Variants in NBAS observed in about 807,000 individuals in gnomAD.
NBAS encodes the protein NBAS subunit of NRZ tethering complex.
NBAS carries 219 observed loss-of-function variants against 302.5 expected under a neutral mutation model. The observed-to-expected ratio is 0.72, with a 90% CI of 0.65 to 0.81. The LOEUF (loss-of-function observed/expected upper bound fraction) is 0.81, where lower values mean the gene tolerates loss of function less well. NBAS is among the 30% of genes least tolerant of loss of function. NBAS has a pLI of 0.00. For missense variants in NBAS, 2,932 were observed against 2,841.6 expected, an observed-to-expected ratio of 1.03 and a Z score of -0.72; for synonymous variants, 1,118 against 1,021.6, an observed-to-expected ratio of 1.09 and a Z score of -1.80.
intron 21 of NBAS, 90 bp from the exon 22 acceptor site, chr2:15,427,884 A>T: frequency 1.1e-6 from 1 of 906,494 alleles, no homozygotes; most frequent in Non-Finnish European, 1.8e-6. Context: ...GCATCTCTAT[A>T]ACATTAATAT....
chr2:15,034,760 G>A, the NBAS span, among the ~76,000 whole-genome samples: 1 of 151,940 alleles, frequency 6.6e-6, no homozygotes, highest in Non-Finnish European at 1.5e-5. Flanking sequence ...TAGTTGAGAT[G>A]GTATTGATCA....
the NBAS span, among the ~76,000 whole-genome samples, chr2:15,021,922 C>T: frequency 6.6e-6 from 1 of 152,128 alleles, no homozygotes; most frequent in Admixed American, 6.5e-5. Context: ...GGTTCAGGTT[C>T]CCCAGCAAAT....
chr2:15,264,420 C>T lies in NBAS; in HGVS notation c.5724+11064G>A, dbSNP rs1668982821. Among the ~76,000 whole-genome samples the T allele has an allele frequency of 2.0e-5, 3 of 152,266 alleles. No individual in the cohort carries two copies. The South Asian group carries it at 6.2e-4, about 32-fold the overall frequency. On this transcript the variant is annotated intron_variant, in intron 44 of 51. Coordinates refer to ENST00000281513, the MANE Select transcript of NBAS (RefSeq NM_015909.4). Reference sequence around the variant, plus strand: ...CAGAGTCCTCTCCAGGAGCAGAATGCATTAGCATTTATGATTGTACTGCGT... The same window carrying T: ...CAGAGTCCTCTCCAGGAGCAGAATGTATTAGCATTTATGATTGTACTGCGT...
intron 38 of NBAS, among the ~76,000 whole-genome samples, chr2:15,326,554 GAAGT>G (rs1672077171): frequency 6.6e-6 from 1 of 152,014 alleles, no homozygotes; most frequent in African/African-American, 2.4e-5. Context: ...AGAAAAGCAA[GAAGT>G]AATAAAGAAT....
At chr2:15,260,401 G>A (rs1232585461) in intron 44 of NBAS, among the ~76,000 whole-genome samples, 5 of 152,152 alleles carry the variant, frequency 3.3e-5, no homozygotes, top group East Asian at 3.9e-4. Context: ...ATCGGCATTC[G>A]TGGAAAGAAA....
intron 44 of NBAS, among the ~76,000 whole-genome samples, chr2:15,269,168 G>A (rs1008722266): frequency 2.0e-5 from 3 of 152,140 alleles, no homozygotes; most frequent in Admixed American, 6.5e-5. Context: ...TAACTGAGAG[G>A]AACACGGGGC....
intron 5 of NBAS, among the ~76,000 whole-genome samples, chr2:15,552,769 T>C (rs1427062610): frequency 6.6e-6 from 1 of 151,498 alleles, no homozygotes; most frequent in Non-Finnish European, 1.5e-5. Flanking sequence ...TACAGTTTTG[T>C]ACCAACAGAG....
At chr2:15,452,151 A>G (rs1366100309) in intron 21 of NBAS, among the ~76,000 whole-genome samples, 1 of 152,216 alleles carries the variant, frequency 6.6e-6, no homozygotes. Context: ...ATAGAGTTTC[A>G]GTTTTACAAG....
chr2:14,856,436 T>C, the NBAS span, among the ~76,000 whole-genome samples: 1 of 152,110 alleles, frequency 6.6e-6, no homozygotes, highest in African/African-American at 2.4e-5. Flanking sequence ...AACAAAACAC[T>C]GTACCAAATG....
intron 3 of NBAS, among the ~76,000 whole-genome samples, chr2:15,556,203 C>T (rs750087598): frequency 1.3e-5 from 2 of 152,152 alleles, no homozygotes; most frequent in Non-Finnish European, 2.9e-5. Flanking sequence ...AACTTTACGA[C>T]AAGATATCCT....
intron 21 of NBAS, among the ~76,000 whole-genome samples, chr2:15,455,878 C>T (rs768652797): frequency 2.0e-5 from 3 of 151,760 alleles, no homozygotes; most frequent in African/African-American, 7.3e-5. Context: ...AGAAAAAGAG[C>T]AAAAATGAAA....
intron 38 of NBAS, among the ~76,000 whole-genome samples, chr2:15,322,838 T>C (rs550805877): frequency 7.2e-5 from 11 of 152,254 alleles, no homozygotes; most frequent in African/African-American, 2.4e-4. Flanking sequence ...GTTCCAGACA[T>C]ATTGGCATTA....
At chr2:15,230,076 C>T (rs1311413406) in intron 47 of NBAS, among the ~76,000 whole-genome samples, 2 of 152,008 alleles carry the variant, frequency 1.3e-5, no homozygotes, top group Non-Finnish European at 2.9e-5. Flanking sequence ...CTGAGGGAGG[C>T]TTGGTATGTC....
At chr2:15,212,298 T>C (rs550804311) in intron 48 of NBAS, among the ~76,000 whole-genome samples, 1 of 152,310 alleles carries the variant, frequency 6.6e-6, no homozygotes, top group South Asian at 2.1e-4. Flanking sequence ...CATAGATCTG[T>C]TCATGTTGCT....
chr2:15,510,433 A>G (rs1292721571), intron 10 of NBAS, among the ~76,000 whole-genome samples: 3 of 152,170 alleles, frequency 2.0e-5, no homozygotes, highest in South Asian at 2.1e-4. Context: ...TGGGACCCCA[A>G]AAGGTCACCA....
chr2:15,112,048 G>C, the NBAS span, among the ~76,000 whole-genome samples: 3 of 150,736 alleles, frequency 2.0e-5, no homozygotes, highest in African/African-American at 7.3e-5. Context: ...GCTCTGCAAA[G>C]TTATTGAAAG....
At chr2:15,316,681 G>A (rs1018602570) in intron 38 of NBAS, among the ~76,000 whole-genome samples, 2 of 152,280 alleles carry the variant, frequency 1.3e-5, no homozygotes, top group African/African-American at 2.4e-5. Flanking sequence ...GAGGGGTGTC[G>A]GCCATTGCTG....
rs186238265 is a variant in NBAS at position 15,466,457 on chromosome 2, T to C, written c.2097+872A>G. 3.5e-3 allele frequency among the ~76,000 whole-genome samples: 530 copies of C among 152,298 alleles called. 3 individuals are homozygous for C. The highest frequency in any genetic ancestry group is 5.4e-3 in the South Asian group (26 of 4,824). ...TACTGAAATGTGGCTGACTTCCACT[T>C]ACGCTTTTAACAATATCTAAGTTGG... On this transcript the variant is annotated intron_variant, in intron 19 of 51. Coordinates refer to ENST00000281513, the MANE Select transcript of NBAS (RefSeq NM_015909.4).
intron 21 of NBAS, among the ~76,000 whole-genome samples, chr2:15,438,240 C>T (rs753162990): frequency 6.6e-6 from 1 of 152,122 alleles, no homozygotes; most frequent in Non-Finnish European, 1.5e-5. Flanking sequence ...GAGACATTAA[C>T]CTTATAGTAC....
Sources: gnomAD v4.1 joint callset for allele counts (sites outside exome capture counted in the v4.1 genomes callset) on GRCh38, gnomAD v4.1.1 for gene constraint, MANE v1.5 for transcripts, NCBI Gene and HGNC (gene_info 2026-07-23, HGNC 2026-07-21) for gene names.